UVRAG: variants seen among roughly 807,000 people sequenced by gnomAD.
The protein encoded by UVRAG is UV radiation resistance-associated gene protein.
In UVRAG, 19 loss-of-function variants were observed where a neutral mutation model predicts 78.0. The ratio of observed to expected loss-of-function variants is 0.24; its 90% CI spans 0.17 to 0.36. UVRAG has a LOEUF of 0.36. UVRAG is among the 10% of genes least tolerant of loss of function. UVRAG has a pLI of 1.00. For missense variants in UVRAG, 740 were observed against 853.8 expected (o/e 0.87, Z 1.66); for synonymous variants, 323 against 324.6 (o/e 1.00, Z 0.05).
intron 6 of UVRAG, among the ~76,000 whole-genome samples, chr11:75,912,947 A>G (rs1019698793): frequency 5.9e-5 from 9 of 152,238 alleles, no homozygotes; most frequent in African/African-American, 2.2e-4. Flanking sequence ...AAGTAACCAT[A>G]TACATTTTCT....
chr11:75,828,752 CACATATATATATATATATATAT>C lies in UVRAG; in HGVS notation c.117+13232_117+13253del, dbSNP rs1565333866. 7.1e-4 allele frequency among the ~76,000 whole-genome samples: 61 copies of C among 85,618 alleles called. 1 individual carries two copies. The highest frequency in any genetic ancestry group is 5.1e-3 in the African/African-American group (56 of 11,074). 56.2% of individuals were successfully genotyped at this position (85,618 alleles called of 152,430 possible). Reference sequence around the variant, plus strand: ...GTGTGTATATATATATATATACACACACATATATATATATATATATATACACACATATATATATATATATATA... The same window carrying C: ...GTGTGTATATATATATATATACACACACACACATATATATATATATATATA... On this transcript the variant is annotated intron_variant, in intron 1 of 14. Coordinates refer to ENST00000356136, the MANE Select transcript of UVRAG (RefSeq NM_003369.4).
intron 8 of UVRAG, among the ~76,000 whole-genome samples, chr11:75,995,624 C>G (rs915448702): frequency 6.6e-6 from 1 of 151,634 alleles, no homozygotes; most frequent in African/African-American, 2.4e-5. Context: ...AAAGAAGAAT[C>G]ACACAGTATA....
intron 1 of UVRAG, among the ~76,000 whole-genome samples, chr11:75,842,814 G>C (rs1349416083): frequency 6.6e-6 from 1 of 152,126 alleles, no homozygotes; most frequent in Non-Finnish European, 1.5e-5. Flanking sequence ...CATTATTGAT[G>C]TGTAATAACT....
Position 76,089,239 on chromosome 11 carries a change from G to A in UVRAG, c.1305+23451G>A, listed in dbSNP as rs1429295874. On this transcript the variant is annotated intron_variant, in intron 13 of 14. Coordinates refer to ENST00000356136, the MANE Select transcript of UVRAG (RefSeq NM_003369.4). ...ATTAAGGAGAAATTATACAGTAAGC[G>A]AACATTTTCCCCAAAATATATGCCT... Among the ~76,000 whole-genome samples the A allele has an allele frequency of 5.9e-5, 9 of 152,248 alleles. No individual in the cohort carries two copies. In the East Asian group the frequency reaches 1.5e-3, roughly 26 times the overall value.
At chr11:75,997,238 G>A (rs1949724884) in intron 8 of UVRAG, among the ~76,000 whole-genome samples, 1 of 152,202 alleles carries the variant, frequency 6.6e-6, no homozygotes, top group Admixed American at 6.5e-5. Flanking sequence ...CCAGAAGAAT[G>A]ACAATTTATT....
At chr11:76,137,415 C>T (rs762943583) in intron 14 of UVRAG, 26 of 456,008 alleles carry the variant, frequency 5.7e-5, no homozygotes, top group East Asian at 1.4e-4. Flanking sequence ...CCAGAGGCAA[C>T]GAGAAAATGC....
intron 4 of UVRAG, among the ~76,000 whole-genome samples, chr11:75,883,964 A>T (rs1282154001): frequency 1.3e-5 from 2 of 152,178 alleles, no homozygotes; most frequent in African/African-American, 4.8e-5. Flanking sequence ...CCAGGAATGG[A>T]ATTGATGGGT....
chr11:75,988,479 T>C (rs1290290814), intron 8 of UVRAG, among the ~76,000 whole-genome samples: 1 of 152,272 alleles, frequency 6.6e-6, no homozygotes, highest in Non-Finnish European at 1.5e-5. Context: ...TCACTGTATG[T>C]ACATACAACT....
intron 6 of UVRAG, among the ~76,000 whole-genome samples, chr11:75,949,290 A>AT (rs1948639602): frequency 1.3e-5 from 2 of 151,902 alleles, no homozygotes; most frequent in South Asian, 4.2e-4. Flanking sequence ...CTGGTTCACA[A>AT]TTTTTTGCAG....
intron 5 of UVRAG, 67 bp from the exon 6 acceptor site, chr11:75,911,887 A>T: frequency 1.9e-6 from 2 of 1,064,928 alleles, no homozygotes; most frequent in Non-Finnish European, 2.8e-6. Context: ...AAAGACAAGC[A>T]TGATTAATTT....
At chr11:76,053,272 C>G (rs1169010032) in intron 12 of UVRAG, among the ~76,000 whole-genome samples, 1 of 149,794 alleles carries the variant, frequency 6.7e-6, no homozygotes, top group Non-Finnish European at 1.5e-5. Context: ...TACCACTGCA[C>G]TCCAGCCTGG....
intron 6 of UVRAG, among the ~76,000 whole-genome samples, chr11:75,949,711 A>G (rs182059153): frequency 7.8e-4 from 113 of 144,338 alleles, no homozygotes; most frequent in Non-Finnish European, 1.5e-3. Flanking sequence ...ATATATATAT[A>G]TATACACACA....
chr11:76,073,794 G>A (rs1171433531), intron 13 of UVRAG, among the ~76,000 whole-genome samples: 5 of 152,120 alleles, frequency 3.3e-5, no homozygotes, highest in African/African-American at 1.2e-4. Context: ...TAATGAGGTT[G>A]GGAGTAGTAT....
chr11:76,027,235 G>C (rs1353847774), intron 12 of UVRAG, among the ~76,000 whole-genome samples: 1 of 152,070 alleles, frequency 6.6e-6, no homozygotes, highest in African/African-American at 2.4e-5. Flanking sequence ...TTATCAAAAT[G>C]GGTCTGCACT....
chr11:76,084,680 T>C (rs1951553061), intron 13 of UVRAG, among the ~76,000 whole-genome samples: 2 of 152,178 alleles, frequency 1.3e-5, no homozygotes, highest in African/African-American at 4.8e-5. Flanking sequence ...AAAGTATTAA[T>C]TGAATATACT....
At chr11:75,953,921 A>G (rs541213970) in intron 6 of UVRAG, among the ~76,000 whole-genome samples, 19 of 152,314 alleles carry the variant, frequency 1.2e-4, no homozygotes, top group African/African-American at 4.3e-4. Flanking sequence ...ATATTACTAC[A>G]TGATATATAT....
chr11:75,950,474 A>G (rs1034799042), intron 6 of UVRAG, among the ~76,000 whole-genome samples: 2 of 152,094 alleles, frequency 1.3e-5, no homozygotes, highest in East Asian at 1.9e-4. Context: ...GCTGATCTCA[A>G]ACTCCTGATG....
intron 8 of UVRAG, among the ~76,000 whole-genome samples, chr11:75,988,071 T>A (rs1450247681): frequency 6.6e-6 from 1 of 152,230 alleles, no homozygotes; most frequent in Non-Finnish European, 1.5e-5. Flanking sequence ...TGATAAGAGC[T>A]CAATATGTGA....
In UVRAG at chr11:76,141,432, A is replaced by T. The variant is rs1478868076; in HGVS notation, c.*19A>T. On this transcript the variant is annotated 3_prime_UTR_variant, in exon 15 of 15. Transcript: ENST00000356136. ...TAAGTGAAGTGAGCAGGTCAACAGT[A>T]GGACTGGGGCAGAAGCTCTGCCTAA... 6.2e-7 allele frequency: 1 copy of T among 1,604,890 alleles called. No individual in the cohort carries two copies. The highest frequency in any genetic ancestry group is 2.2e-5 in the East Asian group (1 of 44,800).
Sources: allele counts gnomAD v4.1 joint callset (sites outside exome capture counted in the v4.1 genomes callset), GRCh38; gene constraint gnomAD v4.1.1; transcripts MANE v1.5; gene names NCBI Gene and HGNC (gene_info 2026-07-23, HGNC 2026-07-21).